Variants in L3HYPDH observed in about 807,000 individuals in gnomAD.
The protein encoded by L3HYPDH is trans-L-3-hydroxyproline dehydratase, also known as trans-3-hydroxy-L-proline dehydratase.
Under a neutral mutation model 26.5 loss-of-function variants are expected in L3HYPDH, and 32 were observed. The observed-to-expected ratio is 1.21, with a 90% CI of 0.91 to 1.62. L3HYPDH has a LOEUF of 1.62. Among genes scored for constraint, L3HYPDH ranks in the 40% most tolerant of loss-of-function variants. The pLI, the probability that L3HYPDH is intolerant of heterozygous loss-of-function variation, is 0.00. For synonymous variants in L3HYPDH, 215 were observed against 196.6 expected (o/e 1.09, Z -0.78); for missense variants, 554 against 476.4 (o/e 1.16, Z -1.52).
upstream of L3HYPDH, chr14:59,487,072 G>A (rs781342183): frequency 1.2e-5 from 3 of 260,726 alleles, no homozygotes; most frequent in Non-Finnish European, 2.2e-5. Flanking sequence ...GCATAGTTGT[G>A]TGCGCCTGTA....
At chr14:59,485,582 T>A (rs1376282270), upstream of L3HYPDH, 1 of 153,798 alleles carries the variant, frequency 6.5e-6, no homozygotes, top group African/African-American at 2.4e-5. Flanking sequence ...TCAAGAATAG[T>A]CAAAAGATGC....
chr14:59,472,852 G>C lies in L3HYPDH; in HGVS notation c.*113C>G. The C allele has an allele frequency of 1.1e-6, 1 of 939,396 alleles. No individual in the cohort carries two copies. Among genetic ancestry groups the C allele is most frequent in the Non-Finnish European group, 1.5e-6 (1 of 665,514 alleles). The allele number at this position is 939,396 out of a possible 1,614,324, so 58.2% of individuals were successfully genotyped here. A position where few individuals can be genotyped will look rare whatever the true frequency, so the allele number is the denominator to read the frequency against. On this transcript the variant is annotated 3_prime_UTR_variant, in exon 5 of 5. Transcript: ENST00000247194. The stretch of plus-strand genomic sequence containing the variant: ...TAGCCACAGGGTAGTATTTTACAAA[G>C]AATGAGAGTTAGTTTATATGTATAA...
chr14:59,491,674 A>G, the L3HYPDH span, among the ~76,000 whole-genome samples: 2 of 152,234 alleles, frequency 1.3e-5, no homozygotes, highest in African/African-American at 2.4e-5. Context: ...AAGATAAACT[A>G]TGTGAGACAT....
chr14:59,473,528 G>A (rs186039225), intron 4 of L3HYPDH, among the ~76,000 whole-genome samples: 1 of 152,296 alleles, frequency 6.6e-6, no homozygotes, highest in East Asian at 1.9e-4. Context: ...TGCTAGTGAT[G>A]CCATTAAACA....
upstream of L3HYPDH, chr14:59,484,865 T>G: frequency 8.5e-7 from 1 of 1,173,910 alleles, no homozygotes; most frequent in Non-Finnish European, 1.2e-6. Flanking sequence ...CTTAGTTTAA[T>G]GTCGAGGGAA....
chr14:59,498,929 C>T, the L3HYPDH span: 1 of 1,367,390 alleles, frequency 7.3e-7, no homozygotes, highest in Non-Finnish European at 9.9e-7. Flanking sequence ...TGGGTAAAGT[C>T]AATGAAATAT....
Position 59,484,095 on chromosome 14 carries a change from G to A in L3HYPDH, c.222C>T (p.Asp74=), listed in dbSNP as rs144342774. 12 of 1,606,148 alleles carry A rather than the reference G, an allele frequency of 7.5e-6. No individual in the cohort carries two copies. The African/African-American group carries it at 1.5e-4, about 20-fold the overall frequency. The stretch of plus-strand genomic sequence containing the variant: ...TCGGGACTAGGACCGCCCCGTACAT[G>A]TCCCGGTGCCCTCGGGGCTCGAACA... ...RLMFEPRGHR[D]MYGAVLVPSE... Residue 74 remains aspartate, a synonymous_variant, in exon 1 of 5, where the codon GAC becomes GAT. Coordinates refer to ENST00000247194, the MANE Select transcript of L3HYPDH (RefSeq NM_144581.2).
chr14:59,468,882 C>G (rs926753581), downstream of L3HYPDH, among the ~76,000 whole-genome samples: 1 of 152,066 alleles, frequency 6.6e-6, no homozygotes, highest in Non-Finnish European at 1.5e-5. Flanking sequence ...AAGGAGAGGT[C>G]ATGTATAGAT....
upstream of L3HYPDH, chr14:59,485,079 A>G (rs1317756847): frequency 1.3e-6 from 2 of 1,598,464 alleles, no homozygotes; most frequent in African/African-American, 2.7e-5. Flanking sequence ...AAATGAAAGG[A>G]GAAATTCAAC....
upstream of L3HYPDH, chr14:59,487,061 G>C: frequency 3.4e-6 from 1 of 294,364 alleles, no homozygotes; most frequent in Admixed American, 4.9e-5. Context: ...AAATTAGCTG[G>C]GCATAGTTGT....
chr14:59,494,399 G>A, the L3HYPDH span, among the ~76,000 whole-genome samples: 1 of 152,150 alleles, frequency 6.6e-6, no homozygotes, highest in East Asian at 1.9e-4. Flanking sequence ...TCAGCTATAA[G>A]CAATAACATG....
intron 1 of L3HYPDH, chr14:59,483,526 T>C: frequency 1.5e-6 from 2 of 1,365,040 alleles, no homozygotes; most frequent in African/African-American, 1.5e-5. Context: ...TAGGAATGCC[T>C]CACCAGTGCA....
At chr14:59,482,631 C>G (rs1890106182) in intron 1 of L3HYPDH, among the ~76,000 whole-genome samples, 1 of 152,152 alleles carries the variant, frequency 6.6e-6, no homozygotes, top group African/African-American at 2.4e-5. Flanking sequence ...GAAGTGACAC[C>G]ATTCTCTGGG....
chr14:59,502,773 T>TGTTTTGTTTTTTTTTTTTTTTTTTTG, the L3HYPDH span, among the ~76,000 whole-genome samples: 1 of 102,836 alleles, frequency 9.7e-6, no homozygotes, highest in Non-Finnish European at 1.8e-5. Flanking sequence ...TTTTTTTTTT[T>TGTTTTGTTTTTTTTTTTTTTTTTTTG]CGGAGTCTCA....
the L3HYPDH span, chr14:59,498,683 T>A: frequency 9.1e-7 from 1 of 1,094,968 alleles, no homozygotes; most frequent in Non-Finnish European, 1.3e-6. Flanking sequence ...AAAAACATTT[T>A]TAAAACATTT....
chr14:59,484,718 C>G (rs978425646), upstream of L3HYPDH: 1 of 1,240,570 alleles, frequency 8.1e-7, no homozygotes, highest in Non-Finnish European at 1.1e-6. Context: ...GCCCCTTGAC[C>G]CCGCCCGCCC....
chr14:59,470,992 A>G (rs1209280529), downstream of L3HYPDH, among the ~76,000 whole-genome samples: 1 of 148,806 alleles, frequency 6.7e-6, no homozygotes, highest in Non-Finnish European at 1.5e-5. Context: ...GAGACACCTG[A>G]AAAAGGTTAA....
Position 59,484,352 on chromosome 14 carries a change from C to G in L3HYPDH, c.-36G>C. 2 of 1,549,546 alleles carry G rather than the reference C, an allele frequency of 1.3e-6. No homozygotes were observed. The highest frequency in any genetic ancestry group is 8.7e-7 in the Non-Finnish European group (1 of 1,152,350). ...GGGGGAGACGAGTACGGTCCCGCAG[C>G]TATGGCTTCAAGCCCGACCCTCACC... On this transcript the variant is annotated 5_prime_UTR_variant, in exon 1 of 5. Coordinates refer to ENST00000247194, the MANE Select transcript of L3HYPDH (RefSeq NM_144581.2).
At chr14:59,469,861 T>C (rs1484624116), downstream of L3HYPDH, among the ~76,000 whole-genome samples, 3 of 152,132 alleles carry the variant, frequency 2.0e-5, no homozygotes, top group Non-Finnish European at 4.4e-5. Context: ...ATGTGGTTAG[T>C]CTCTCTACAA....
Sources: gnomAD v4.1 joint callset for allele counts (sites outside exome capture counted in the v4.1 genomes callset) on GRCh38, gnomAD v4.1.1 for gene constraint, MANE v1.5 for transcripts, NCBI Gene and HGNC (gene_info 2026-07-23, HGNC 2026-07-21) for gene names.